Variants in FAT1 observed in about 807,000 individuals in gnomAD.
The protein encoded by FAT1 is protocadherin Fat 1.
A neutral mutation model predicts 329.8 loss-of-function variants in FAT1; 171 were observed. The ratio of observed to expected loss-of-function variants is 0.52; its 90% confidence interval spans 0.46 to 0.59. FAT1 has a LOEUF of 0.59. Ranked by LOEUF, FAT1 falls within the 20% of genes least tolerant of loss-of-function variation. The pLI is 0.00. For synonymous variants in FAT1, 2,233 were observed against 2,228.6 expected, an observed-to-expected ratio of 1.00 and a Z score of -0.06; for missense variants, 5,672 against 5,774.4, an observed-to-expected ratio of 0.98 and a Z score of 0.57.
rs1739314741 is a variant in FAT1, at chr4:186,609,800, C to A, written c.10068+1G>T. ...CACTGTAATGGGGAAAAAATACACA[C>A]CGTGATGACAGACTGCTCAAGAACG... On this transcript the variant is annotated splice_donor_variant, in intron 15 of 26. Coordinates refer to ENST00000441802, the MANE Select transcript of FAT1 (RefSeq NM_005245.4). LOFTEE classifies it high-confidence loss of function. The A allele has an allele frequency of 1.9e-6, 3 of 1,607,064 alleles. No homozygotes were observed. The highest frequency in any genetic ancestry group is 2.6e-6 in the Non-Finnish European group (3 of 1,173,584).
chr4:186,601,501 C>T (rs1738819849), intron 20 of FAT1, 75 bp from the exon 21 acceptor site: 1 of 1,183,570 alleles, frequency 8.4e-7, no homozygotes, highest in Non-Finnish European at 1.2e-6. Flanking sequence ...CTCCCCTGCA[C>T]CCCTTGAGAC....
In FAT1 at chr4:186,609,503, G is replaced by A. The variant is rs7656967; in HGVS notation, c.10069-183C>T. 0.024 allele frequency among the ~76,000 whole-genome samples: 3,721 copies of A among 151,950 alleles called. 141 individuals carry two copies. Among genetic ancestry groups the A allele is most frequent in the African/African-American group, 0.08 (3,312 of 41,438 alleles). On this transcript the variant is annotated intron_variant, in intron 15 of 26. Transcript: ENST00000441802. ...ACAATCTCGGCTCACTGCAAGCTCC[G>A]CCTCCTGGGTTCACACCATTCACCT...
intron 2 of FAT1, among the ~76,000 whole-genome samples, chr4:186,692,503 G>A (rs918998814): frequency 3.9e-5 from 6 of 152,066 alleles, no homozygotes; most frequent in African/African-American, 9.6e-5. Flanking sequence ...TAGTAGAGAC[G>A]GGGTTTCACC....
rs1744716310 is a variant in FAT1 at position 186,707,917 on chromosome 4, C to A, written c.1911G>T (p.Lys637Asn). Reference sequence around the variant, plus strand: ...TGATTCTCAGACTGTGGAAAGACACCTTTGCACCTAAGCCATCCATTAGCG... The same window carrying A: ...TGATTCTCAGACTGTGGAAAGACACATTTGCACCTAAGCCATCCATTAGCG... Reference protein sequence around the residue: ...KRSLMDGLGAKVSFHSLRITA... With the variant: ...KRSLMDGLGANVSFHSLRITA... Residue 637 changes from lysine (K) to asparagine (N), a missense_variant, in exon 2 of 27, where the codon AAG becomes AAT. Lys to Asn is a moderately conservative substitution (Grantham distance 94). Around this residue, in one of 2 missense-constraint regions of FAT1, gnomAD observed 3,966 missense variants for 3,915.2 expected, o/e 1.01. Transcript: ENST00000441802. 1.2e-6 allele frequency: 2 copies of A among 1,613,922 alleles called. No individual in the cohort carries two copies. Among genetic ancestry groups the A allele is most frequent in the African/African-American group, 1.3e-5 (1 of 75,010 alleles).
At chr4:186,694,899 T>A (rs1560998399) in intron 2 of FAT1, among the ~76,000 whole-genome samples, 1 of 152,228 alleles carries the variant, frequency 6.6e-6, no homozygotes, top group East Asian at 1.9e-4. Context: ...GAGGCAGAGG[T>A]TGCAGGGAGC....
chr4:186,625,771 G>A (rs2126536043), intron 9 of FAT1, among the ~76,000 whole-genome samples: 1 of 152,350 alleles, frequency 6.6e-6, no homozygotes, highest in African/African-American at 2.4e-5. Flanking sequence ...ACATCCTAAA[G>A]CAACGTGACT....
chr4:186,631,658 G>A (rs753096676), intron 7 of FAT1, among the ~76,000 whole-genome samples: 1 of 148,514 alleles, frequency 6.7e-6, no homozygotes, highest in Admixed American at 6.7e-5. Flanking sequence ...CGGTATCCTA[G>A]TCTCTCGCCG....
rs1296211054 is a variant in FAT1, at chr4:186,708,347, T to G, written c.1481A>C (p.Glu494Ala). The change falls in exon 2 of 27, where the codon GAG (glutamate) becomes GCG (alanine). Residue 494 changes from glutamate to alanine, a missense_variant. By Grantham distance (107) the Glu-to-Ala change is moderately radical. Around this residue, in one of 2 missense-constraint regions of FAT1, gnomAD observed 3,966 missense variants for 3,915.2 expected, o/e 1.01. Coordinates refer to ENST00000441802, the MANE Select transcript of FAT1 (RefSeq NM_005245.4). ...SLSAVDPDEGENGYVTYSIAN... is the reference protein window; with the variant it reads ...SLSAVDPDEGANGYVTYSIAN... ...GATACTGTATGTCACGTACCCGTTC[T>G]CACCCTCATCAGGGTCTACGGCACT... 1.9e-6 allele frequency: 3 copies of G among 1,613,838 alleles called. No individual in the cohort carries two copies. Among genetic ancestry groups the G allele is most frequent in the Non-Finnish European group, 2.5e-6 (3 of 1,179,858 alleles).
At chr4:186,655,064 AT>A (rs1218481565) in intron 3 of FAT1, among the ~76,000 whole-genome samples, 3 of 152,246 alleles carry the variant, frequency 2.0e-5, no homozygotes, top group African/African-American at 7.2e-5. Flanking sequence ...TACATATTGA[AT>A]TGTGTACTAT....
rs2126395606 is a variant in FAT1, at chr4:186,597,140, T to C, written c.12400A>G (p.Asn4134Asp). Residue 4134 changes from asparagine (N) to aspartate (D), a missense_variant, in exon 25 of 27, where the codon AAC becomes GAC. Around this residue, in one of 2 missense-constraint regions of FAT1, gnomAD observed 1,706 missense variants for 1,859.1 expected, o/e 0.92. Coordinates refer to ENST00000441802, the MANE Select transcript of FAT1 (RefSeq NM_005245.4). ...CQSDIDECSG[N>D]PCLHGALCEN... ...CAGAGGGCCCCGTGCAGGCAAGGGT[T>C]TCCAGAGCACTCGTCGATATCACTC... The C allele has an allele frequency of 6.2e-7, 1 of 1,612,868 alleles. No individual in the cohort carries two copies. The highest frequency in any genetic ancestry group is 1.1e-5 in the South Asian group (1 of 90,918).
chr4:186,647,671 C>T (rs912212214), intron 3 of FAT1, among the ~76,000 whole-genome samples: 26 of 152,106 alleles, frequency 1.7e-4, no homozygotes, highest in Admixed American at 6.5e-5. Context: ...ACTGCAGGCA[C>T]GCACTTCAGA....
chr4:186,609,456 A>ACTCAG, intron 15 of FAT1, 136 bp from the exon 16 acceptor site: 1 of 1,079,662 alleles, frequency 9.3e-7, no homozygotes. Context: ...TTGCTCTGTC[A>ACTCAG]CTCAGGCTGG....
chr4:186,685,002 T>C (rs766683979), intron 2 of FAT1, among the ~76,000 whole-genome samples: 10 of 152,180 alleles, frequency 6.6e-5, no homozygotes, highest in African/African-American at 2.2e-4. Context: ...AGTCAGCCAG[T>C]GCCCTCGCTA....
chr4:186,635,893 A>T, intron 6 of FAT1, 132 bp downstream of exon 6: 6 of 760,544 alleles, frequency 7.9e-6, no homozygotes, highest in East Asian at 2.7e-5. Context: ...ATTATAGTTG[A>T]AAGCAAATTC....
chr4:186,706,461 A>G (rs1371549150), intron 2 of FAT1, 102 bp downstream of exon 2: 6 of 1,289,754 alleles, frequency 4.7e-6, no homozygotes, highest in Non-Finnish European at 5.3e-6. Flanking sequence ...CCGAGCCCAA[A>G]GAGCAACAGG....
At chr4:186,633,594 G>T in intron 7 of FAT1, 90 bp downstream of exon 7, 2 of 1,416,684 alleles carry the variant, frequency 1.4e-6, no homozygotes, top group Non-Finnish European at 2.0e-6. Flanking sequence ...TCACAGGGCA[G>T]AATCCACCGC....
At chr4:186,671,709 A>T (rs1395345723) in intron 2 of FAT1, among the ~76,000 whole-genome samples, 1 of 147,834 alleles carries the variant, frequency 6.8e-6, no homozygotes, top group Admixed American at 6.8e-5. Context: ...AAAAAAAAAT[A>T]AAAATAAAAA....
chr4:186,639,891 C>T (rs1741016108), intron 3 of FAT1, 108 bp from the exon 4 acceptor site: 2 of 933,902 alleles, frequency 2.1e-6, no homozygotes, highest in Non-Finnish European at 3.4e-6. Flanking sequence ...GCCTTAATCC[C>T]AGCACTTTGG....
In FAT1 at chr4:186,596,631, G is replaced by C. The variant is rs554536909; in HGVS notation, c.12909C>G (p.Ser4303Arg). Residue 4303 changes from serine (S) to arginine (R), a missense_variant, in exon 25 of 27, where the codon AGC becomes AGG. Ser to Arg is a moderately radical substitution (Grantham distance 110). This residue lies in a region of FAT1 where 1,706 missense variants were observed against 1,859.1 expected (regional missense o/e 0.92). Coordinates refer to ENST00000441802, the MANE Select transcript of FAT1 (RefSeq NM_005245.4). This position sits in a 1 kb window ranked among gnomAD's most constrained non-coding sequence, Gnocchi z 4.7. ...GTGGGGGAGGCAGGTTTGGCGCCAC[G>C]CTGCAGACCGCCACTGCTTTTCGGT... The part of the protein sequence containing the change: ...HGHRKAVAVC[S>R]VAPNLPPPPP... 1 of 1,610,376 alleles carries C rather than the reference G, an allele frequency of 6.2e-7. No homozygotes were observed. The highest frequency in any genetic ancestry group is 8.5e-7 in the Non-Finnish European group (1 of 1,178,206).
Sources: allele counts gnomAD v4.1 joint callset (sites outside exome capture counted in the v4.1 genomes callset), GRCh38; gene constraint gnomAD v4.1.1; regional missense constraint gnomAD v4.1.1; non-coding constraint Gnocchi (gnomAD v3.1); transcripts MANE v1.5; gene names NCBI Gene and HGNC (gene_info 2026-07-23, HGNC 2026-07-21).